Variants in TRMT6 observed in about 807,000 individuals in gnomAD.
TRMT6 encodes tRNA (adenine(58)-N(1))-methyltransferase non-catalytic subunit TRM6.
A neutral mutation model predicts 59.0 loss-of-function variants in TRMT6; 34 were observed. The ratio of observed to expected loss-of-function variants is 0.58; its 90% CI spans 0.44 to 0.77. The LOEUF (loss-of-function observed/expected upper bound fraction) is 0.77. Ranked by LOEUF, TRMT6 falls within the 30% of genes least tolerant of loss-of-function variation. The pLI is 0.00. For missense variants in TRMT6, 575 were observed against 604.5 expected (o/e 0.95, Z 0.51); for synonymous variants, 217 against 210.5 (o/e 1.03, Z -0.27).
Position 5,941,986 on chromosome 20 carries a change from C to T in TRMT6, c.1077G>A (p.Glu359=). The T allele has an allele frequency of 4.3e-6, 7 of 1,613,528 alleles. No homozygotes were observed. Among genetic ancestry groups the T allele is most frequent in the Non-Finnish European group, 5.9e-6 (7 of 1,180,028 alleles). ...RQEEQRKRHL[E]AAALLSERNA... ...TTCTTTCACTCAGCAGAGCGGCAGC[C>T]TCTAAATGTCTTTTCCTCTGCTCTT... Residue 359 remains glutamate (E), a synonymous_variant, in exon 8 of 11, where the codon GAG becomes GAA. Coordinates refer to ENST00000203001, the MANE Select transcript of TRMT6 (RefSeq NM_015939.5).
chr20:5,950,489 T>G lies in TRMT6; in HGVS notation c.-84A>C, dbSNP rs561862666. 21 of 1,450,892 alleles carry G rather than the reference T, an allele frequency of 1.4e-5. No homozygotes were observed. The highest frequency in any genetic ancestry group is 8.0e-5 in the South Asian group (6 of 75,218). The allele number at this position is 1,450,892 out of a possible 1,614,324, so 89.9% of individuals were successfully genotyped here. ...ACCGCCAGCCTCACTTCCCACAACCTGGCGCACTAGGAGCCCTCCGACCGG... is the reference window on the plus strand; with the variant it reads ...ACCGCCAGCCTCACTTCCCACAACCGGGCGCACTAGGAGCCCTCCGACCGG... On this transcript the variant is annotated 5_prime_UTR_variant, in exon 1 of 11. Transcript: ENST00000203001.
rs756739121 is a variant in TRMT6 at position 5,941,975 on chromosome 20, A to G, written c.1088T>C (p.Leu363Pro). 3 of 1,613,552 alleles carry G rather than the reference A, an allele frequency of 1.9e-6. No individual in the cohort carries two copies. The highest frequency in any genetic ancestry group is 2.5e-6 in the Non-Finnish European group (3 of 1,180,024). Residue 363 changes from leucine to proline, a missense_variant, in exon 8 of 11, where the codon CTG becomes CCG. Leu to Pro is a moderately conservative substitution (Grantham distance 98). Coordinates refer to ENST00000203001, the MANE Select transcript of TRMT6 (RefSeq NM_015939.5). The stretch of plus-strand genomic sequence containing the variant: ...CCCATCTGCGTTTCTTTCACTCAGC[A>G]GAGCGGCAGCCTCTAAATGTCTTTT... ...QRKRHLEAAA[L>P]LSERNADGLI...
chr20:5,946,120 G>A (rs749826183), intron 2 of TRMT6, among the ~76,000 whole-genome samples: 1 of 152,186 alleles, frequency 6.6e-6, no homozygotes, highest in Non-Finnish European at 1.5e-5. Flanking sequence ...TCTGGGCACT[G>A]AAAGAACTTT....
chr20:5,950,256 TA>T, intron 1 of TRMT6, 21 bp downstream of exon 1: 1 of 1,587,138 alleles, frequency 6.3e-7, no homozygotes, highest in Non-Finnish European at 8.6e-7. Context: ...GGGAGACCCC[TA>T]AAATCAGCGA....
chr20:5,945,004 A>G (rs1277555888), intron 2 of TRMT6, 90 bp from the exon 3 acceptor site: 6 of 1,026,012 alleles, frequency 5.8e-6, no homozygotes, highest in Admixed American at 2.0e-5. Context: ...CCAGTCCATC[A>G]GCCACTCAAG....
Position 5,942,014 on chromosome 20 carries a change from T to G in TRMT6, c.1049A>C (p.Gln350Pro). The G allele has an allele frequency of 6.2e-7, 1 of 1,613,042 alleles. No homozygotes were observed. Among genetic ancestry groups the G allele is most frequent in the Non-Finnish European group, 8.5e-7 (1 of 1,180,006 alleles). Residue 350 changes from glutamine (Q) to proline (P), a missense_variant, in exon 8 of 11, where the codon CAA (glutamine) becomes CCA (proline). Transcript: ENST00000203001. ...KDYIQEKQRRQEEQRKRHLEA... is the reference protein window; with the variant it reads ...KDYIQEKQRRPEEQRKRHLEA... ...TAAATGTCTTTTCCTCTGCTCTTCTTGTCTCCTCTGTTTTTCCTGAATCTT... is the reference window on the plus strand; with the variant it reads ...TAAATGTCTTTTCCTCTGCTCTTCTGGTCTCCTCTGTTTTTCCTGAATCTT...
At chr20:5,950,242 G>A in intron 1 of TRMT6, 36 bp downstream of exon 1, 2 of 1,548,552 alleles carry the variant, frequency 1.3e-6, no homozygotes, top group South Asian at 2.3e-5. Context: ...TACAAGGTGG[G>A]GGCGGGAGAC....
At chr20:5,947,309 G>A (rs1301053700) in intron 1 of TRMT6, among the ~76,000 whole-genome samples, 1 of 152,160 alleles carries the variant, frequency 6.6e-6, no homozygotes, top group African/African-American at 2.4e-5. Flanking sequence ...TCAGGACATG[G>A]CCCATGTGCA....
intron 3 of TRMT6, 99 bp from the exon 4 acceptor site, chr20:5,944,352 T>C (rs1160739959): frequency 1.1e-5 from 7 of 660,782 alleles, no homozygotes; most frequent in Non-Finnish European, 1.8e-5. Context: ...AATGGTCTGA[T>C]TCTCCAATCC....
chr20:5,939,778 GC>G (rs2088640504), intron 10 of TRMT6, among the ~76,000 whole-genome samples: 1 of 152,104 alleles, frequency 6.6e-6, no homozygotes, highest in South Asian at 2.1e-4. Context: ...TGTAACCTTA[GC>G]CAAGACAGAC....
rs920944542 is a variant in TRMT6, at chr20:5,944,887, C to T, written c.284G>A (p.Arg95Gln). 9.3e-6 allele frequency: 15 copies of T among 1,613,698 alleles called. No homozygotes were observed. Among genetic ancestry groups the T allele is most frequent in the East Asian group, 2.2e-5 (1 of 44,882 alleles). ...AGATTTCCCATCATCAACTATATTT[C>T]GATTATCAGTGCCCGCTTCTTTAGT... ...AETKEAGTDN[R>Q]NIVDDGKSQK... Residue 95 changes from arginine to glutamine, a missense_variant, in exon 3 of 11, where the codon CGA becomes CAA. Transcript: ENST00000203001.
chr20:5,944,874 A>G lies in TRMT6; in HGVS notation c.297T>C (p.Asp99=), dbSNP rs2088691465. 6.2e-7 allele frequency: 1 copy of G among 1,613,982 alleles called. No individual in the cohort carries two copies. Among genetic ancestry groups the G allele is most frequent in the South Asian group, 1.1e-5 (1 of 91,092 alleles). The change falls in exon 3 of 11, where the codon GAT becomes GAC. Residue 99 remains aspartate (D), a synonymous_variant. Transcript: ENST00000203001. ...GAGTAAGTTTCTGAGATTTCCCATCATCAACTATATTTCGATTATCAGTGC... is the reference window on the plus strand; with the variant it reads ...GAGTAAGTTTCTGAGATTTCCCATCGTCAACTATATTTCGATTATCAGTGC... ...EAGTDNRNIV[D]DGKSQKLTQD...
intron 2 of TRMT6, among the ~76,000 whole-genome samples, chr20:5,945,394 C>T (rs1317870343): frequency 1.3e-5 from 2 of 152,196 alleles, no homozygotes; most frequent in East Asian, 1.9e-4. Context: ...GAAGGTTCTA[C>T]GACAGATGTC....
chr20:5,939,466 C>A (rs1241093883), intron 10 of TRMT6, among the ~76,000 whole-genome samples: 1 of 141,378 alleles, frequency 7.1e-6, no homozygotes, highest in African/African-American at 2.7e-5. Flanking sequence ...GGCGACAGAG[C>A]GAGACTCTGT....
At chr20:5,947,278 C>T (rs1249261183) in intron 1 of TRMT6, among the ~76,000 whole-genome samples, 4 of 152,306 alleles carry the variant, frequency 2.6e-5, no homozygotes, top group South Asian at 2.1e-4. Context: ...GACCTAAGGA[C>T]GGTAGAAAGC....
intron 6 of TRMT6, among the ~76,000 whole-genome samples, chr20:5,943,328 A>AGT (rs1393707411): frequency 6.6e-6 from 1 of 152,192 alleles, no homozygotes; most frequent in African/African-American, 2.4e-5. Context: ...GCCCACTGAC[A>AGT]GTGAAGCTAG....
chr20:5,941,922 GA>G, intron 8 of TRMT6, 28 bp downstream of exon 8: 1 of 1,583,892 alleles, frequency 6.3e-7, no homozygotes, highest in Non-Finnish European at 8.7e-7. Context: ...ATGCACTGAG[GA>G]GTCTCCTGCC....
At chr20:5,946,182 G>A (rs1376805852) in intron 2 of TRMT6, among the ~76,000 whole-genome samples, 2 of 152,200 alleles carry the variant, frequency 1.3e-5, no homozygotes, top group Non-Finnish European at 2.9e-5. Flanking sequence ...TAAATGCCTG[G>A]CCCAAGAACA....
At chr20:5,944,985 T>C (rs550320793) in intron 2 of TRMT6, 71 bp from the exon 3 acceptor site, 5 of 1,238,860 alleles carry the variant, frequency 4.0e-6, no homozygotes, top group African/African-American at 1.5e-5. Flanking sequence ...TCTGAGTTCA[T>C]ATCCACATCC....
Sources: allele counts gnomAD v4.1 joint callset (sites outside exome capture counted in the v4.1 genomes callset), GRCh38; gene constraint gnomAD v4.1.1; transcripts MANE v1.5; gene names NCBI Gene and HGNC (gene_info 2026-07-23, HGNC 2026-07-21).